The following ARHGAP26 variants were observed in gnomAD, a reference collection of about 807,000 sequenced individuals.
ARHGAP26 encodes the protein Rho GTPase activating protein 26.
Under a neutral mutation model 104.8 loss-of-function variants are expected in ARHGAP26, and 38 were observed. The observed-to-expected ratio is 0.36, with a 90% CI of 0.28 to 0.48. ARHGAP26 has a LOEUF of 0.48. Among genes scored for constraint, ARHGAP26 ranks in the 20% least tolerant of loss-of-function variants. The pLI is 0.99. For synonymous variants in ARHGAP26, 341 were observed against 340.0 expected (o/e 1.00, Z -0.03); for missense variants, 704 against 947.9 (o/e 0.74, Z 3.38).
At chr5:143,188,844 TG>T (rs1805506249) in intron 20 of ARHGAP26, among the ~76,000 whole-genome samples, 1 of 152,076 alleles carries the variant, frequency 6.6e-6, no homozygotes, top group Non-Finnish European at 1.5e-5. Context: ...AAAAAGGAGG[TG>T]TAATAACTGT....
chr5:142,810,190 A>G (rs1320554335), intron 1 of ARHGAP26, among the ~76,000 whole-genome samples: 2 of 152,184 alleles, frequency 1.3e-5, no homozygotes, highest in African/African-American at 4.8e-5. Context: ...AGGGGAACAG[A>G]TCACAGAGGG....
chr5:142,902,001 G>A lies in ARHGAP26; in HGVS notation c.664G>A (p.Gly222Arg), dbSNP rs148543665. Reference sequence around the variant, plus strand: ...TGGTTACGAACTGGCCAAGGATTTCGGGGACTTCAAGACACAGTTAACCAT... The same window carrying A: ...TGGTTACGAACTGGCCAAGGATTTCAGGGACTTCAAGACACAGTTAACCAT... ...HHGYELAKDF[G>R]DFKTQLTISI... The change falls in exon 7 of 23, where the codon GGG becomes AGG. Residue 222 changes from glycine to arginine, a missense_variant. By Grantham distance (125) the Gly-to-Arg change is moderately radical. This residue lies in a region of ARHGAP26 where 287 missense variants were observed against 438.8 expected (regional missense o/e 0.65). Coordinates refer to ENST00000645722, the MANE Select transcript of ARHGAP26 (RefSeq NM_001135608.3). The A allele has an allele frequency of 8.7e-6, 14 of 1,613,714 alleles. No individual in the cohort carries two copies. The highest frequency in any genetic ancestry group is 1.0e-5 in the Non-Finnish European group (12 of 1,179,820).
chr5:142,946,690 G>T (rs1767161790), intron 11 of ARHGAP26: 1 of 152,160 alleles, frequency 6.6e-6, no homozygotes, highest in Admixed American at 6.5e-5. Flanking sequence ...TAGGTTGTTT[G>T]CTTTGTGGTG....
At chr5:143,043,913 A>T (rs1783839795) in intron 14 of ARHGAP26, among the ~76,000 whole-genome samples, 1 of 152,206 alleles carries the variant, frequency 6.6e-6, no homozygotes, top group Non-Finnish European at 1.5e-5. Flanking sequence ...AGTATTCTGA[A>T]CAAAGGGTCT....
rs1051473502 is a variant in ARHGAP26 at position 143,092,226 on chromosome 5, C to G, written c.1539-28762C>G. Among the ~76,000 whole-genome samples, 34 of 146,312 alleles carry G rather than the reference C, an allele frequency of 2.3e-4. 1 individual carries two copies. Among genetic ancestry groups the G allele is most frequent in the African/African-American group, 5.0e-5 (2 of 39,964 alleles). On this transcript the variant is annotated intron_variant, in intron 17 of 22. Coordinates refer to ENST00000645722, the MANE Select transcript of ARHGAP26 (RefSeq NM_001135608.3). Reference sequence around the variant, plus strand: ...TCGCCCAGGCTGGAGTGCAGTGGCACGATCTCGGCTCACTGCAAGCTCCGC... The same window carrying G: ...TCGCCCAGGCTGGAGTGCAGTGGCAGGATCTCGGCTCACTGCAAGCTCCGC...
intron 17 of ARHGAP26, among the ~76,000 whole-genome samples, chr5:143,076,285 C>T (rs1413037677): frequency 6.6e-6 from 1 of 151,862 alleles, no homozygotes; most frequent in Non-Finnish European, 1.5e-5. Flanking sequence ...AGAATGAGCC[C>T]CCATGCTCAA....
intron 12 of ARHGAP26, among the ~76,000 whole-genome samples, chr5:143,034,919 C>T (rs1562300564): frequency 6.6e-6 from 1 of 152,168 alleles, no homozygotes; most frequent in South Asian, 2.1e-4. Flanking sequence ...TCTTGAGATG[C>T]CATAATTTGC....
intron 17 of ARHGAP26, among the ~76,000 whole-genome samples, chr5:143,059,260 A>G (rs1212998640): frequency 1.3e-5 from 2 of 152,208 alleles, no homozygotes; most frequent in African/African-American, 4.8e-5. Context: ...AGAGGCCTTC[A>G]GGCCTGCAGA....
chr5:143,004,600 A>C (rs1562243577), intron 11 of ARHGAP26, among the ~76,000 whole-genome samples: 1 of 152,104 alleles, frequency 6.6e-6, no homozygotes, highest in Non-Finnish European at 1.5e-5. Flanking sequence ...TCAGTCATTT[A>C]TGTTCGGCTG....
chr5:143,189,058 G>A (rs1031286124), intron 20 of ARHGAP26, among the ~76,000 whole-genome samples: 2 of 152,192 alleles, frequency 1.3e-5, no homozygotes, highest in East Asian at 1.9e-4. Flanking sequence ...TGACTTTTTA[G>A]CTTTACCAAG....
At position 143,162,955 on chromosome 5, in the gene ARHGAP26, TA is replaced by T. The variant is rs905616667; in HGVS notation, c.1988+15585del. 3.8e-3 allele frequency among the ~76,000 whole-genome samples: 560 copies of T among 146,794 alleles called. 3 individuals carry two copies. The highest frequency in any genetic ancestry group is 0.013 in the African/African-American group (528 of 40,236). Reference sequence around the variant, plus strand: ...GGACAACATGACATACCATCTCTATTAAAAAAAAAAAGTTAGCTGAGTGTGG... The same window carrying T: ...GGACAACATGACATACCATCTCTATTAAAAAAAAAAGTTAGCTGAGTGTGG... On this transcript the variant is annotated intron_variant, in intron 20 of 22. Transcript: ENST00000645722.
intron 20 of ARHGAP26, chr5:143,192,725 G>C (rs1806128913): frequency 6.6e-6 from 1 of 152,190 alleles, no homozygotes; most frequent in Admixed American, 6.5e-5. Context: ...AAAAATGGAA[G>C]TCATAAGCTG....
intron 20 of ARHGAP26, among the ~76,000 whole-genome samples, chr5:143,154,471 C>A (rs974912555): frequency 5.9e-5 from 9 of 152,182 alleles, no homozygotes; most frequent in Non-Finnish European, 1.2e-4. Context: ...TTTTGGAGGG[C>A]TCCCCCCACA....
At position 143,227,238 on chromosome 5, in the gene ARHGAP26, A is replaced by G. The variant is rs950607139; in HGVS notation, c.*4792A>G. The G allele has an allele frequency of 3.5e-5, 8 of 229,734 alleles. No homozygotes were observed. The highest frequency in any genetic ancestry group is 1.7e-4 in the Admixed American group (3 of 17,670). The allele number at this position is 229,734 out of a possible 1,614,324, so 14.2% of individuals were successfully genotyped here. A position where few individuals can be genotyped will look rare whatever the true frequency, so the allele number is the denominator to read the frequency against. ...TTGTGAGCAACCATGTTCCCCAAGT[A>G]GGTAGCCAGCGCTGCAGAAACCAAA... On this transcript the variant is annotated 3_prime_UTR_variant, in exon 23 of 23. Coordinates refer to ENST00000645722, the MANE Select transcript of ARHGAP26 (RefSeq NM_001135608.3).
At chr5:142,882,312 A>G (rs568944500) in intron 4 of ARHGAP26, among the ~76,000 whole-genome samples, 1 of 152,336 alleles carries the variant, frequency 6.6e-6, no homozygotes, top group Admixed American at 6.5e-5. Flanking sequence ...TCAAATGCTT[A>G]AAACGGTGTC....
At chr5:143,207,562 C>A in intron 21 of ARHGAP26, 1 of 1,494,156 alleles carries the variant, frequency 6.7e-7, no homozygotes, top group East Asian at 2.3e-5. Flanking sequence ...CCTGTGGTTC[C>A]ATCCTAAGAG....
At chr5:142,950,649 A>AC (rs1365715127) in intron 11 of ARHGAP26, among the ~76,000 whole-genome samples, 4 of 152,148 alleles carry the variant, frequency 2.6e-5, no homozygotes, top group Admixed American at 2.6e-4. Flanking sequence ...CAGAAAGTCA[A>AC]CCTCAAGGTC....
intron 4 of ARHGAP26, among the ~76,000 whole-genome samples, chr5:142,880,028 A>T (rs1288159488): frequency 6.6e-6 from 1 of 152,210 alleles, no homozygotes; most frequent in Non-Finnish European, 1.5e-5. Flanking sequence ...TAATTTTAAA[A>T]TATATATTAC....
At chr5:142,783,138 G>C (rs972347301) in intron 1 of ARHGAP26, among the ~76,000 whole-genome samples, 2 of 152,242 alleles carry the variant, frequency 1.3e-5, no homozygotes, top group Non-Finnish European at 2.9e-5. Context: ...AATGTGCACA[G>C]CTGTGCTCTC....
Sources: allele counts gnomAD v4.1 joint callset (sites outside exome capture counted in the v4.1 genomes callset), GRCh38; gene constraint gnomAD v4.1.1; regional missense constraint gnomAD v4.1.1; transcripts MANE v1.5; gene names NCBI Gene and HGNC (gene_info 2026-07-23, HGNC 2026-07-21).